Variants in ARMC9 observed in about 807,000 individuals in gnomAD.
ARMC9 encodes the protein armadillo repeat containing 9.
Under a neutral mutation model 107.0 loss-of-function variants are expected in ARMC9, and 94 were observed. The observed-to-expected ratio is 0.88, with a 90% CI of 0.74 to 1.04. The LOEUF (loss-of-function observed/expected upper bound fraction) is 1.04, where lower values mean the gene tolerates loss of function less well. ARMC9 is among the 50% of genes least tolerant of loss of function. ARMC9 has a pLI of 0.00. For missense variants in ARMC9, 942 were observed against 1,030.1 expected (o/e 0.91, Z 1.17); for synonymous variants, 380 against 396.9 (o/e 0.96, Z 0.51).
intron 19 of ARMC9, among the ~76,000 whole-genome samples, chr2:231,317,311 C>T (rs920817881): frequency 6.6e-6 from 1 of 152,036 alleles, no homozygotes; most frequent in Non-Finnish European, 1.5e-5. Flanking sequence ...GCTGGGATTA[C>T]AGGCGCCTGC....
intron 22 of ARMC9, among the ~76,000 whole-genome samples, chr2:231,359,611 G>A (rs1459551928): frequency 6.6e-6 from 1 of 152,168 alleles, no homozygotes; most frequent in Non-Finnish European, 1.5e-5. Flanking sequence ...ACAGCTTTGT[G>A]ACTCCACACG....
chr2:231,309,743 A>T (rs926312291), intron 19 of ARMC9, among the ~76,000 whole-genome samples: 1 of 151,904 alleles, frequency 6.6e-6, no homozygotes, highest in East Asian at 1.9e-4. Flanking sequence ...AAAATCTAAG[A>T]TGTTTTTTCC....
At position 231,321,608 on chromosome 2, in the gene ARMC9, T is replaced by C. The variant is rs554922462; in HGVS notation, c.1774-10185T>C. On this transcript the variant is annotated intron_variant, in intron 19 of 24. Transcript: ENST00000611582. Reference sequence around the variant, plus strand: ...CCTGGAGTGGTGGTTTCTTCTTAACTAGCCCATCTTCACTTGCTCCAGGTT... The same window carrying C: ...CCTGGAGTGGTGGTTTCTTCTTAACCAGCCCATCTTCACTTGCTCCAGGTT... 2.6e-4 allele frequency among the ~76,000 whole-genome samples: 40 copies of C among 152,312 alleles called. 1 individual carries two copies. In the South Asian group the frequency reaches 7.9e-3, roughly 30 times the overall value.
At chr2:231,310,660 T>C (rs1233968447) in intron 19 of ARMC9, among the ~76,000 whole-genome samples, 1 of 130,686 alleles carries the variant, frequency 7.7e-6, no homozygotes, top group Admixed American at 7.9e-5. Flanking sequence ...GAACCCGGGG[T>C]AGGGGGGAAC....
rs116865629 is a variant in ARMC9, at chr2:231,210,804, T to C, written c.177+2552T>C. Among the ~76,000 whole-genome samples the C allele has an allele frequency of 2.5e-4, 38 of 152,360 alleles. No homozygotes were observed. In the East Asian group the frequency reaches 6.4e-3, roughly 26 times the overall value. ...AAATGTATCATGTTAACTATTCTTA[T>C]GTGTACAGTTCAGTAGTGTTAAATG... On this transcript the variant is annotated intron_variant, in intron 3 of 24. Coordinates refer to ENST00000611582, the MANE Select transcript of ARMC9 (RefSeq NM_001352754.2).
intron 5 of ARMC9, among the ~76,000 whole-genome samples, chr2:231,217,485 G>T (rs570280260): frequency 6.6e-6 from 1 of 151,468 alleles, no homozygotes; most frequent in African/African-American, 2.4e-5. Flanking sequence ...CAGAACAGTT[G>T]CTCAAACCCG....
At chr2:231,240,070 C>A (rs764547599) in intron 9 of ARMC9, 29 bp downstream of exon 9, 1 of 1,568,942 alleles carries the variant, frequency 6.4e-7, no homozygotes, top group Admixed American at 1.7e-5. Flanking sequence ...GGCAGGGTGC[C>A]CGTGGTCTAT....
At chr2:231,222,929 T>A in intron 6 of ARMC9, 109 bp downstream of exon 6, 1 of 637,600 alleles carries the variant, frequency 1.6e-6, no homozygotes, top group Non-Finnish European at 2.7e-6. Flanking sequence ...TCGGGATAAT[T>A]AATAGTGTTG....
chr2:231,284,951 G>A (rs1321461412), intron 17 of ARMC9, among the ~76,000 whole-genome samples: 1 of 152,194 alleles, frequency 6.6e-6, no homozygotes, highest in African/African-American at 2.4e-5. Context: ...TGTAATCTCA[G>A]CACTGTTGGA....
chr2:231,245,663 T>C (rs770823838), intron 9 of ARMC9, among the ~76,000 whole-genome samples: 3 of 152,204 alleles, frequency 2.0e-5, no homozygotes, highest in Non-Finnish European at 4.4e-5. Context: ...AACTTTTACT[T>C]GTGTGTATAT....
intron 21 of ARMC9, among the ~76,000 whole-genome samples, chr2:231,349,781 T>TA (rs201479708): frequency 2.2e-4 from 34 of 151,264 alleles, no homozygotes; most frequent in African/African-American, 7.1e-4. Context: ...ACCCCCAACT[T>TA]AAAACAAAAA....
At chr2:231,321,065 C>G (rs1014136203) in intron 19 of ARMC9, among the ~76,000 whole-genome samples, 2 of 152,212 alleles carry the variant, frequency 1.3e-5, no homozygotes, top group African/African-American at 4.8e-5. Flanking sequence ...CCTCACCAAG[C>G]CTCAGTGTTC....
intron 17 of ARMC9, among the ~76,000 whole-genome samples, chr2:231,286,114 T>G (rs1321316531): frequency 6.6e-6 from 1 of 151,986 alleles, no homozygotes; most frequent in Non-Finnish European, 1.5e-5. Flanking sequence ...GGTATTTGGT[T>G]TTTATTTGTT....
intron 21 of ARMC9, among the ~76,000 whole-genome samples, chr2:231,353,376 C>T (rs1295506669): frequency 1.6e-5 from 2 of 124,466 alleles, no homozygotes; most frequent in Non-Finnish European, 3.0e-5. Context: ...TTAGTAGAGA[C>T]GGGGTTTCAC....
chr2:231,324,123 C>CTTTTTTTTTTTTT (rs71296842), intron 19 of ARMC9, among the ~76,000 whole-genome samples: 7 of 89,272 alleles, frequency 7.8e-5, no homozygotes, highest in African/African-American at 1.4e-4. Context: ...TTGTAAAGTA[C>CTTTTTTTTTTTTT]TTTTTTTTTT....
chr2:231,345,025 G>T lies in ARMC9; in HGVS notation c.1929G>T (p.Gln643His). 8 of 1,614,158 alleles carry T rather than the reference G, an allele frequency of 5.0e-6. No homozygotes were observed. The highest frequency in any genetic ancestry group is 1.3e-5 in the African/African-American group (1 of 75,048). ...KTRRKGLANV[Q>H]WSGDEPLQRP... Reference sequence around the variant, plus strand: ...GGCGGAAGGGGCTGGCTAATGTGCAGTGGAGCGGGGATGAGCCCCTGCAAA... The same window carrying T: ...GGCGGAAGGGGCTGGCTAATGTGCATTGGAGCGGGGATGAGCCCCTGCAAA... Residue 643 changes from glutamine to histidine, a missense_variant, in exon 21 of 25, where the codon CAG (glutamine) becomes CAT (histidine). Transcript: ENST00000611582.
chr2:231,259,164 G>A, intron 11 of ARMC9, 62 bp downstream of exon 11: 5 of 1,375,216 alleles, frequency 3.6e-6, no homozygotes, highest in Non-Finnish European at 5.1e-6. Context: ...TTCTTGGCTG[G>A]CTACCTTGCT....
At chr2:231,334,845 G>A (rs1056853101) in intron 20 of ARMC9, among the ~76,000 whole-genome samples, 9 of 152,126 alleles carry the variant, frequency 5.9e-5, no homozygotes, top group Admixed American at 2.0e-4. Context: ...CTTGTGGTGC[G>A]TGAAAAGCCT....
intron 19 of ARMC9, among the ~76,000 whole-genome samples, chr2:231,298,942 T>TG (rs2041550154): frequency 1.3e-5 from 2 of 151,928 alleles, no homozygotes; most frequent in African/African-American, 4.8e-5. Flanking sequence ...TCAAAAAAAG[T>TG]GGGGGGCTGT....
Sources: gnomAD v4.1 joint callset for allele counts (sites outside exome capture counted in the v4.1 genomes callset) on GRCh38, gnomAD v4.1.1 for gene constraint, MANE v1.5 for transcripts, NCBI Gene and HGNC (gene_info 2026-07-23, HGNC 2026-07-21) for gene names.